The following ADAM20 variants were observed in gnomAD, a reference collection of about 807,000 sequenced individuals.
ADAM20 encodes disintegrin and metalloproteinase domain-containing protein 20.
For synonymous variants in ADAM20, 305 were observed against 310.2 expected, an observed-to-expected ratio of 0.98 and a Z score of 0.18; for missense variants, 871 against 883.2, an observed-to-expected ratio of 0.99 and a Z score of 0.18.
At chr14:70,569,902 AAAAAAAAAAAAAC>A in the ADAM20 span, among the ~76,000 whole-genome samples, 1 of 144,436 alleles carries the variant, frequency 6.9e-6, no homozygotes, top group African/African-American at 2.6e-5. Context: ...AAAAAAAAAA[AAAAAAAAAAAAAC>A]ACTCTGGACT....
At chr14:70,539,978 C>T (rs1405631287), upstream of ADAM20, among the ~76,000 whole-genome samples, 2 of 152,174 alleles carry the variant, frequency 1.3e-5, no homozygotes, top group Non-Finnish European at 2.9e-5. Flanking sequence ...GCCGATCCGC[C>T]TGGGAACAAA....
chr14:70,542,652 C>T, the ADAM20 span, among the ~76,000 whole-genome samples: 1,228 of 152,186 alleles, frequency 8.1e-3, 9 homozygotes, highest in South Asian at 0.031. Context: ...ATTTAAAAGG[C>T]CTATGTCCAG....
In ADAM20 at chr14:70,523,079, A is replaced by G. The variant is rs767853516; in HGVS notation, c.1679T>C (p.Met560Thr). The change falls in exon 2 of 2, where the codon ATG (methionine) becomes ACG (threonine). Residue 560 changes from methionine (M) to threonine (T), a missense_variant. By Grantham distance (81) the Met-to-Thr change is moderately conservative. Coordinates refer to ENST00000256389, the MANE Select transcript of ADAM20 (RefSeq NM_003814.5). ...ATTTTCACACTGAACCCTCCCACAC[A>G]TGATATCAGGGGTCCAACATTTTAC... ...TYVKCWTPDI[M>T]CGRVQCENVG... The G allele has an allele frequency of 1.2e-6, 2 of 1,613,828 alleles. No homozygotes were observed. Among genetic ancestry groups the G allele is most frequent in the Admixed American group, 1.7e-5 (1 of 59,928 alleles).
In ADAM20 at chr14:70,522,403, A is replaced by C. The variant is rs778786768; in HGVS notation, c.*174T>G. 6.0e-6 allele frequency: 4 copies of C among 667,312 alleles called. No homozygotes were observed. Among genetic ancestry groups the C allele is most frequent in the African/African-American group, 1.8e-5 (1 of 54,962 alleles). The allele number at this position is 667,312 out of a possible 1,614,324, so 41.3% of individuals were successfully genotyped here. On this transcript the variant is annotated 3_prime_UTR_variant, in exon 2 of 2. Coordinates refer to ENST00000256389, the MANE Select transcript of ADAM20 (RefSeq NM_003814.5). ...AATATTGCTTAAGACACTGTAGAGT[A>C]AGTAAGAATAGGCTAGGAATCCTTT...
chr14:70,559,933 G>T, the ADAM20 span, among the ~76,000 whole-genome samples: 1 of 152,126 alleles, frequency 6.6e-6, no homozygotes, highest in African/African-American at 2.4e-5. Context: ...AGATAGGGAG[G>T]TTATTCTTTT....
chr14:70,575,520 A>T, the ADAM20 span, among the ~76,000 whole-genome samples: 1 of 152,204 alleles, frequency 6.6e-6, no homozygotes, highest in East Asian at 1.9e-4. Flanking sequence ...ACACAAAAAA[A>T]TCTAGAGGCA....
the ADAM20 span, among the ~76,000 whole-genome samples, chr14:70,579,057 T>C: frequency 6.6e-6 from 1 of 152,178 alleles, no homozygotes; most frequent in Admixed American, 6.5e-5. Context: ...CCATGGTGTA[T>C]AGGTACATTT....
the ADAM20 span, among the ~76,000 whole-genome samples, chr14:70,540,200 C>T: frequency 1.3e-5 from 2 of 152,034 alleles, no homozygotes; most frequent in Admixed American, 6.6e-5. Flanking sequence ...TCTTAAAGGG[C>T]CTCACCCGAA....
At chr14:70,554,086 C>A in the ADAM20 span, among the ~76,000 whole-genome samples, 1 of 152,098 alleles carries the variant, frequency 6.6e-6, no homozygotes, top group Non-Finnish European at 1.5e-5. Flanking sequence ...AGTAAAATTG[C>A]AGGGTACAAA....
the ADAM20 span, among the ~76,000 whole-genome samples, chr14:70,541,078 AC>A: frequency 0.018 from 2,711 of 152,350 alleles, 49 homozygotes; most frequent in African/African-American, 0.045. Context: ...GGTGTGCGCC[AC>A]CACGCCCAGG....
At chr14:70,576,180 A>T in the ADAM20 span, among the ~76,000 whole-genome samples, 1 of 152,176 alleles carries the variant, frequency 6.6e-6, no homozygotes, top group East Asian at 1.9e-4. Context: ...TATCAACAGA[A>T]GTGTAGGTTT....
chr14:70,559,185 A>C, the ADAM20 span, among the ~76,000 whole-genome samples: 1 of 152,006 alleles, frequency 6.6e-6, no homozygotes, highest in Non-Finnish European at 1.5e-5. Flanking sequence ...TGAATTCTTT[A>C]GCTCCCTCCT....
Position 70,524,656 on chromosome 14 carries a change from G to A in ADAM20, c.102C>T (p.Ser34=), listed in dbSNP as rs1437389195. The A allele has an allele frequency of 1.9e-6, 3 of 1,613,886 alleles. No individual in the cohort carries two copies. The African/African-American group carries it at 4.0e-5, about 22-fold the overall frequency. The change falls in exon 2 of 2, where the codon TCC becomes TCT. Residue 34 remains serine, a synonymous_variant. Coordinates refer to ENST00000256389, the MANE Select transcript of ADAM20 (RefSeq NM_003814.5). ...SISGHSQARP[S]QYFTSPEVVI... ...CCACTTCTGGAGAAGTGAAATACTG[G>A]GAGGGCCTGGCCTGAGAGTGGCCAG...
the ADAM20 span, among the ~76,000 whole-genome samples, chr14:70,545,738 C>G: frequency 3.9e-5 from 6 of 152,126 alleles, no homozygotes; most frequent in African/African-American, 1.4e-4. Flanking sequence ...AGAGCTAAAG[C>G]AAGAGATAGA....
At chr14:70,563,856 C>T in the ADAM20 span, among the ~76,000 whole-genome samples, 1 of 152,208 alleles carries the variant, frequency 6.6e-6, no homozygotes, top group African/African-American at 2.4e-5. Context: ...GTACCATAAG[C>T]CAATTAATCT....
chr14:70,538,538 G>T (rs564089797), upstream of ADAM20, among the ~76,000 whole-genome samples: 66 of 152,194 alleles, frequency 4.3e-4, no homozygotes, highest in African/African-American at 1.6e-3. Context: ...CCTGGAAAAG[G>T]TTTTTTCCCA....
the ADAM20 span, among the ~76,000 whole-genome samples, chr14:70,559,936 A>G: frequency 6.6e-6 from 1 of 152,216 alleles, no homozygotes; most frequent in Non-Finnish European, 1.5e-5. Context: ...TAGGGAGGTT[A>G]TTCTTTTATT....
At chr14:70,558,693 T>A in the ADAM20 span, among the ~76,000 whole-genome samples, 1 of 152,008 alleles carries the variant, frequency 6.6e-6, no homozygotes, top group African/African-American at 2.4e-5. Flanking sequence ...TAAAAATAAA[T>A]AAAATATACA....
Position 70,525,051 on chromosome 14 carries a change from T to C in ADAM20, c.-176-118A>G, listed in dbSNP as rs556648367. 5.8e-5 allele frequency: 51 copies of C among 873,722 alleles called. 2 individuals carry two copies. The South Asian group carries it at 9.5e-4, about 16-fold the overall frequency. The allele number at this position is 873,722 out of a possible 1,614,324, so 54.1% of individuals were successfully genotyped here. On this transcript the variant is annotated intron_variant, in intron 1 of 1. Coordinates refer to ENST00000256389, the MANE Select transcript of ADAM20 (RefSeq NM_003814.5). ...AGCAATAAAATGCATTAGGATTCTC[T>C]TAATACATATGGCCAAGAAGATTTC...
Sources: gnomAD v4.1 joint callset for allele counts (sites outside exome capture counted in the v4.1 genomes callset) on GRCh38, gnomAD v4.1.1 for gene constraint, MANE v1.5 for transcripts, NCBI Gene and HGNC (gene_info 2026-07-23, HGNC 2026-07-21) for gene names.